The following LRMDA variants were observed in gnomAD, a reference collection of about 807,000 sequenced individuals.
LRMDA encodes the protein leucine-rich melanocyte differentiation-associated protein.
A neutral mutation model predicts 29.8 loss-of-function variants in LRMDA; 18 were observed. The observed-to-expected ratio is 0.60, with a 90% confidence interval of 0.42 to 0.90. The LOEUF is 0.90. Ranked by LOEUF, LRMDA falls within the 40% of genes least tolerant of loss-of-function variation. LRMDA has a pLI of 0.00. For missense variants in LRMDA, 273 were observed against 273.9 expected (o/e 1.00, Z 0.02); for synonymous variants, 125 against 109.4 (o/e 1.14, Z -0.89).
At chr10:76,151,917 G>A (rs1185072030) in intron 5 of LRMDA, among the ~76,000 whole-genome samples, 1 of 151,774 alleles carries the variant, frequency 6.6e-6, no homozygotes, top group Non-Finnish European at 1.5e-5. Context: ...GTGTAATGTA[G>A]GATAAAGTAG....
At chr10:76,398,919 C>G (rs1277684472) in intron 6 of LRMDA, among the ~76,000 whole-genome samples, 1 of 152,128 alleles carries the variant, frequency 6.6e-6, no homozygotes, top group Non-Finnish European at 1.5e-5. Context: ...ATTTAATTAA[C>G]CTCTGATAGC....
chr10:75,563,713 G>T (rs1159858497), intron 2 of LRMDA, among the ~76,000 whole-genome samples: 2 of 151,982 alleles, frequency 1.3e-5, no homozygotes, highest in Non-Finnish European at 2.9e-5. Context: ...TTTTTGGTGT[G>T]GATGTCCTTT....
At chr10:76,269,011 A>T (rs940128399) in intron 5 of LRMDA, among the ~76,000 whole-genome samples, 1 of 152,142 alleles carries the variant, frequency 6.6e-6, no homozygotes, top group Non-Finnish European at 1.5e-5. Flanking sequence ...CAGGAATATA[A>T]ATGACTAATG....
In LRMDA at chr10:76,468,286, T is replaced by C. The variant is rs184908086; in HGVS notation, c.602-88923T>C. On this transcript the variant is annotated intron_variant, in intron 6 of 6. Transcript: ENST00000611255. ...TTCTTAGTGTGATTTCTCACTTCAG[T>C]CAAAATTTATTTCTTCAGGAATTTA... Among the ~76,000 whole-genome samples, 507 of 152,346 alleles carry C rather than the reference T, an allele frequency of 3.3e-3. 6 individuals are homozygous for C. Among genetic ancestry groups the C allele is most frequent in the African/African-American group, 0.012 (480 of 41,586 alleles).
At chr10:75,907,771 C>G (rs1197461942) in intron 2 of LRMDA, among the ~76,000 whole-genome samples, 1 of 152,136 alleles carries the variant, frequency 6.6e-6, no homozygotes, top group Non-Finnish European at 1.5e-5. Context: ...ACTTGGGAAT[C>G]AAAACTTGCG....
At chr10:76,118,426 T>C (rs530921167) in intron 5 of LRMDA, among the ~76,000 whole-genome samples, 2 of 152,152 alleles carry the variant, frequency 1.3e-5, no homozygotes, top group East Asian at 3.9e-4. Flanking sequence ...TATTACCCAA[T>C]CAGAGTGTGT....
chr10:75,856,962 C>T (rs1366453217), intron 2 of LRMDA, among the ~76,000 whole-genome samples: 1 of 152,166 alleles, frequency 6.6e-6, no homozygotes, highest in Non-Finnish European at 1.5e-5. Flanking sequence ...TCTCCTTAAG[C>T]TGATAGGCAA....
At chr10:75,896,925 A>G (rs996704576) in intron 2 of LRMDA, among the ~76,000 whole-genome samples, 6 of 151,038 alleles carry the variant, frequency 4.0e-5, no homozygotes, top group African/African-American at 1.5e-4. Flanking sequence ...GCTTTGTTTC[A>G]TTTTTTTGGT....
At chr10:75,871,515 G>A (rs1845110840) in intron 2 of LRMDA, among the ~76,000 whole-genome samples, 1 of 152,116 alleles carries the variant, frequency 6.6e-6, no homozygotes, top group South Asian at 2.1e-4. Context: ...GAGGAGTCAT[G>A]CCCATTGCCA....
At chr10:76,016,722 A>G (rs968607305) in intron 2 of LRMDA, among the ~76,000 whole-genome samples, 2 of 152,356 alleles carry the variant, frequency 1.3e-5, no homozygotes, top group South Asian at 2.1e-4. Flanking sequence ...CTGTACTTTT[A>G]TAGTCTGAAT....
chr10:75,984,011 A>G (rs1589276877), intron 2 of LRMDA, among the ~76,000 whole-genome samples: 1 of 152,100 alleles, frequency 6.6e-6, no homozygotes, highest in East Asian at 1.9e-4. Flanking sequence ...GCTGCTCCCC[A>G]TGCAGGGAGC....
At chr10:76,091,020 G>A (rs1173914327) in intron 5 of LRMDA, among the ~76,000 whole-genome samples, 1 of 152,164 alleles carries the variant, frequency 6.6e-6, no homozygotes, top group Non-Finnish European at 1.5e-5. Flanking sequence ...TAATATTACT[G>A]CATCTTTGTA....
intron 5 of LRMDA, among the ~76,000 whole-genome samples, chr10:76,200,649 G>T (rs548457343): frequency 6.6e-6 from 1 of 151,504 alleles, no homozygotes; most frequent in African/African-American, 2.4e-5. Flanking sequence ...AATTGTACTT[G>T]ATATTGGATA....
chr10:76,376,542 C>G (rs893891130), intron 6 of LRMDA, among the ~76,000 whole-genome samples: 1 of 152,156 alleles, frequency 6.6e-6, no homozygotes, highest in East Asian at 1.9e-4. Flanking sequence ...CAAGTGCAGG[C>G]AACTTTTTAA....
At chr10:75,834,795 T>C (rs1222539781) in intron 2 of LRMDA, among the ~76,000 whole-genome samples, 1 of 152,326 alleles carries the variant, frequency 6.6e-6, no homozygotes, top group East Asian at 1.9e-4. Context: ...ATACTGCCAC[T>C]AATAGTCTGT....
At chr10:75,521,371 G>A (rs539405738) in intron 2 of LRMDA, among the ~76,000 whole-genome samples, 8 of 152,236 alleles carry the variant, frequency 5.3e-5, no homozygotes, top group Non-Finnish European at 8.8e-5. Flanking sequence ...TGCCCAGCTC[G>A]AACTTCCCAG....
intron 2 of LRMDA, among the ~76,000 whole-genome samples, chr10:75,913,457 G>T (rs1439320242): frequency 1.3e-5 from 2 of 152,014 alleles, no homozygotes; most frequent in African/African-American, 4.8e-5. Flanking sequence ...CTCCGTCTTG[G>T]GGGGAAAAAA....
intron 5 of LRMDA, among the ~76,000 whole-genome samples, chr10:76,179,982 G>A (rs1412168980): frequency 6.6e-6 from 1 of 152,208 alleles, no homozygotes; most frequent in East Asian, 1.9e-4. Context: ...CATCTCCAGA[G>A]CAGTGTATGA....
chr10:75,609,595 T>A (rs1055835050), intron 2 of LRMDA, among the ~76,000 whole-genome samples: 7 of 152,214 alleles, frequency 4.6e-5, no homozygotes, highest in Admixed American at 6.5e-5. Context: ...CTTAAAAAGT[T>A]GCAAAATTAG....
Sources: allele counts gnomAD v4.1 joint callset (sites outside exome capture counted in the v4.1 genomes callset), GRCh38; gene constraint gnomAD v4.1.1; transcripts MANE v1.5; gene names NCBI Gene and HGNC (gene_info 2026-07-23, HGNC 2026-07-21).